Variants in GRIK3 observed in about 807,000 individuals in gnomAD.
GRIK3 encodes glutamate ionotropic receptor kainate type subunit 3.
In GRIK3, 29 loss-of-function variants were observed where a neutral mutation model predicts 102.5. The ratio of observed to expected loss-of-function variants is 0.28; its 90% CI spans 0.21 to 0.39. GRIK3 has a LOEUF of 0.39. Among genes scored for constraint, GRIK3 ranks in the 10% least tolerant of loss-of-function variants. The pLI is 1.00. For synonymous variants in GRIK3, 511 were observed against 504.9 expected (o/e 1.01, Z -0.16); for missense variants, 908 against 1,252.4 (o/e 0.73, Z 4.15).
At chr1:36,808,237 T>A (rs1642521962) in intron 13 of GRIK3, among the ~76,000 whole-genome samples, 1 of 152,210 alleles carries the variant, frequency 6.6e-6, no homozygotes, top group Non-Finnish European at 1.5e-5. Context: ...CTCTGTTCCT[T>A]TCTTACTCTG....
In GRIK3 at chr1:36,949,574, C is replaced by CTTTTT. The variant is rs60157852; in HGVS notation, c.116-58483_116-58479dup. ...TTTTTTTCTTTCTCTCTCTCTCTTT[C>CTTTTT]TTTTTTTTTTTTTTTTTTTTTTTGA... On this transcript the variant is annotated intron_variant, in intron 1 of 15. Coordinates refer to ENST00000373091, the MANE Select transcript of GRIK3 (RefSeq NM_000831.4). Among the ~76,000 whole-genome samples the CTTTTT allele has an allele frequency of 5.7e-3, 570 of 99,722 alleles. 1 individual carries two copies. Among genetic ancestry groups the CTTTTT allele is most frequent in the Non-Finnish European group, 7.8e-3 (391 of 50,436 alleles). The allele number at this position is 99,722 out of a possible 152,430, so 65.4% of individuals were successfully genotyped here. A position where few individuals can be genotyped will look rare whatever the true frequency, so the allele number is the denominator to read the frequency against.
intron 7 of GRIK3, among the ~76,000 whole-genome samples, chr1:36,855,489 A>AT (rs1430303561): frequency 6.6e-6 from 1 of 152,240 alleles, no homozygotes; most frequent in Non-Finnish European, 1.5e-5. Flanking sequence ...AAATGTGCAT[A>AT]TGCAAACTCA....
chr1:36,865,955 C>T (rs898708293), intron 5 of GRIK3, among the ~76,000 whole-genome samples: 1 of 152,222 alleles, frequency 6.6e-6, no homozygotes, highest in Non-Finnish European at 1.5e-5. Flanking sequence ...TCTTAGCTCA[C>T]GGTAGCCTCT....
At chr1:36,966,620 G>A (rs1441851068) in intron 1 of GRIK3, among the ~76,000 whole-genome samples, 1 of 152,098 alleles carries the variant, frequency 6.6e-6, no homozygotes, top group African/African-American at 2.4e-5. Flanking sequence ...GTGGATCCAT[G>A]TAAGAGCCCT....
At chr1:37,021,809 C>T (rs1431222452) in intron 1 of GRIK3, among the ~76,000 whole-genome samples, 1 of 152,174 alleles carries the variant, frequency 6.6e-6, no homozygotes, top group Non-Finnish European at 1.5e-5. Context: ...CATCCTCACT[C>T]TCAGTCACAT....
chr1:36,864,668 G>T (rs566144907), intron 5 of GRIK3, among the ~76,000 whole-genome samples: 40 of 152,180 alleles, frequency 2.6e-4, no homozygotes, highest in Non-Finnish European at 4.4e-4. Context: ...ATCACAGCCC[G>T]GGAGGGGGCA....
At chr1:36,928,784 T>C (rs1641556802) in intron 1 of GRIK3, among the ~76,000 whole-genome samples, 1 of 152,232 alleles carries the variant, frequency 6.6e-6, no homozygotes, top group Non-Finnish European at 1.5e-5. Context: ...ATTAGGCCCC[T>C]CTTTGTCCCC....
chr1:36,806,186 C>T lies in GRIK3; in HGVS notation c.2232G>A (p.Glu744=). Residue 744 remains glutamate (E), a synonymous_variant, in exon 14 of 16, where the codon GAG becomes GAA. Coordinates refer to ENST00000373091, the MANE Select transcript of GRIK3 (RefSeq NM_000831.4). This position sits in a 1 kb window ranked among gnomAD's most constrained non-coding sequence, Gnocchi z 4.0. ...GGTTGCAGTTCCTCTGCGTGACGTA[C>T]TCGATGGTGGTGGACTCCATGAGCA... The part of the protein sequence containing the change: ...YALLMESTTI[E]YVTQRNCNLT... 3 of 1,614,174 alleles carry T rather than the reference C, an allele frequency of 1.9e-6. No individual in the cohort carries two copies. The highest frequency in any genetic ancestry group is 2.5e-6 in the Non-Finnish European group (3 of 1,180,028).
chr1:36,811,244 T>C (rs1221421900), intron 13 of GRIK3, among the ~76,000 whole-genome samples: 2 of 152,102 alleles, frequency 1.3e-5, no homozygotes. Context: ...ATCTAGAAAC[T>C]GGGGAGAAAA....
Position 36,892,177 on chromosome 1 carries a change from C to G in GRIK3, c.116-1081G>C, listed in dbSNP as rs532765374. Among the ~76,000 whole-genome samples, 6 of 152,256 alleles carry G rather than the reference C, an allele frequency of 3.9e-5. No homozygotes were observed. The South Asian group carries it at 1.2e-3, about 32-fold the overall frequency. ...GGGACTACAGGCACATGCTGCTACG[C>G]CCGGATAATTTTTGTATTTTTAGTA... On this transcript the variant is annotated intron_variant, in intron 1 of 15. Transcript: ENST00000373091.
At chr1:36,813,427 G>T (rs935724495) in intron 13 of GRIK3, among the ~76,000 whole-genome samples, 3 of 152,186 alleles carry the variant, frequency 2.0e-5, no homozygotes, top group African/African-American at 7.2e-5. Context: ...CAGTAGTGCA[G>T]CCTTGCCATA....
rs2124191713 is a variant in GRIK3, at chr1:36,819,519, G to C, written c.1873+217C>G. ...GGGCTGGGTGGTTTTCTTAGCTTTA[G>C]ACCCTGAGCCAGCTCCAGCCAGAGT... On this transcript the variant is annotated intron_variant, in intron 12 of 15. Transcript: ENST00000373091. The surrounding 1 kb of genome is among the most constrained non-coding windows in gnomAD (Gnocchi z 4.1). Among the ~76,000 whole-genome samples the C allele has an allele frequency of 6.6e-6, 1 of 152,328 alleles. No homozygotes were observed. Among genetic ancestry groups the C allele is most frequent in the African/African-American group, 2.4e-5 (1 of 41,574 alleles).
At chr1:36,877,663 C>T (rs890411874) in intron 3 of GRIK3, among the ~76,000 whole-genome samples, 5 of 152,156 alleles carry the variant, frequency 3.3e-5, no homozygotes, top group Non-Finnish European at 7.3e-5. Flanking sequence ...CCAGGCTGTC[C>T]TCTTGGTTAA....
At position 37,032,486 on chromosome 1, in the gene GRIK3, TG is replaced by T. The variant is rs35508388; in HGVS notation, c.115+1507del. On this transcript the variant is annotated intron_variant, in intron 1 of 15. Transcript: ENST00000373091. ...AATAAAGGAAGTGCTGGTCCATTAC[TG>T]GGGGGGGAAGGGGAGGCTTCCTGCC... Among the ~76,000 whole-genome samples the T allele has an allele frequency of 4.4e-3, 627 of 143,396 alleles. 1 individual carries two copies. The highest frequency in any genetic ancestry group is 0.014 in the African/African-American group (509 of 35,398). 94.1% of individuals were successfully genotyped at this position (143,396 alleles called of 152,430 possible).
chr1:36,969,546 A>G (rs697923), intron 1 of GRIK3, among the ~76,000 whole-genome samples: 64,943 of 152,174 alleles, frequency 0.43, 18,922 homozygotes, highest in African/African-American at 0.84. Context: ...CTGGAGGTGC[A>G]GAATGAAAAT....
At chr1:36,983,529 G>T (rs1041101798) in intron 1 of GRIK3, among the ~76,000 whole-genome samples, 1 of 152,050 alleles carries the variant, frequency 6.6e-6, no homozygotes, top group South Asian at 2.1e-4. Context: ...ACCCTAGGAG[G>T]TAGGGGCCAT....
intron 7 of GRIK3, among the ~76,000 whole-genome samples, chr1:36,854,777 C>T (rs138575069): frequency 7.9e-5 from 12 of 152,276 alleles, no homozygotes; most frequent in Admixed American, 2.6e-4. Flanking sequence ...ACTGAGTCTA[C>T]GTGGTCCTTT....
chr1:36,947,016 G>A (rs564049233), intron 1 of GRIK3, among the ~76,000 whole-genome samples: 5 of 152,272 alleles, frequency 3.3e-5, no homozygotes, highest in Admixed American at 1.3e-4. Context: ...GATTTGGACC[G>A]TGGAGTTTCT....
At chr1:36,883,028 C>A (rs1270677940) in intron 2 of GRIK3, among the ~76,000 whole-genome samples, 1 of 152,190 alleles carries the variant, frequency 6.6e-6, no homozygotes, top group African/African-American at 2.4e-5. Context: ...GGAGGCAGGA[C>A]AGAGCACCGA....
Sources: allele counts gnomAD v4.1 joint callset (sites outside exome capture counted in the v4.1 genomes callset), GRCh38; gene constraint gnomAD v4.1.1; non-coding constraint Gnocchi (gnomAD v3.1); transcripts MANE v1.5; gene names NCBI Gene and HGNC (gene_info 2026-07-23, HGNC 2026-07-21).